AKT3: variants seen among roughly 807,000 people sequenced by gnomAD.
The protein encoded by AKT3 is RAC-gamma serine/threonine-protein kinase.
Under a neutral mutation model 65.3 loss-of-function variants are expected in AKT3, and 15 were observed. That is an observed-to-expected ratio of 0.23 (90% CI 0.15 to 0.35). AKT3 has a LOEUF of 0.35. AKT3 is among the 10% of genes least tolerant of loss of function. AKT3 has a pLI of 1.00. For synonymous variants in AKT3, 206 were observed against 183.8 expected (o/e 1.12, Z -0.98); for missense variants, 243 against 576.5 (o/e 0.42, Z 5.92).
chr1:243,646,691 T>G (rs1680843877), intron 4 of AKT3, among the ~76,000 whole-genome samples: 1 of 152,090 alleles, frequency 6.6e-6, no homozygotes, highest in Admixed American at 6.6e-5. Context: ...AAAAGTTTGC[T>G]GCAGTTTTTA....
chr1:243,567,954 A>C (rs1357090258), intron 9 of AKT3, among the ~76,000 whole-genome samples: 1 of 152,214 alleles, frequency 6.6e-6, no homozygotes, highest in Non-Finnish European at 1.5e-5. Context: ...TTTCCAAAGC[A>C]TATCAATGGC....
At chr1:243,646,780 A>G (rs1037745006) in intron 4 of AKT3, among the ~76,000 whole-genome samples, 11 of 152,190 alleles carry the variant, frequency 7.2e-5, no homozygotes, top group Non-Finnish European at 7.3e-5. Flanking sequence ...CATTCCAAGG[A>G]AAGGTTTTCA....
chr1:243,709,290 GA>G (rs764563357), intron 2 of AKT3, among the ~76,000 whole-genome samples: 2,030 of 131,492 alleles, frequency 0.015, 39 homozygotes, highest in African/African-American at 0.051. Context: ...AGCATTAAAA[GA>G]AAAAAAAAAA....
chr1:243,827,722 A>C (rs1694256519), intron 2 of AKT3, among the ~76,000 whole-genome samples: 1 of 152,186 alleles, frequency 6.6e-6, no homozygotes, highest in Non-Finnish European at 1.5e-5. Flanking sequence ...TATTTCATTT[A>C]AGAAAAAGTG....
intron 3 of AKT3, among the ~76,000 whole-genome samples, chr1:243,689,809 G>A (rs1410588652): frequency 6.6e-6 from 1 of 151,518 alleles, no homozygotes; most frequent in Non-Finnish European, 1.5e-5. Context: ...GCCAGATGAG[G>A]TGGCATGCAG....
chr1:243,790,301 T>C (rs1195635845), intron 2 of AKT3, among the ~76,000 whole-genome samples: 2 of 152,258 alleles, frequency 1.3e-5, no homozygotes, highest in African/African-American at 4.8e-5. Context: ...CTAGATCTTC[T>C]GGATAAATTG....
intron 2 of AKT3, among the ~76,000 whole-genome samples, chr1:243,816,401 C>T (rs755659620): frequency 1.6e-4 from 24 of 152,140 alleles, no homozygotes; most frequent in Non-Finnish European, 2.6e-4. Context: ...TGGTCATGTT[C>T]CACTAGATCC....
intron 11 of AKT3, among the ~76,000 whole-genome samples, chr1:243,551,092 A>C (rs1673035174): frequency 6.6e-6 from 1 of 152,066 alleles, no homozygotes; most frequent in Non-Finnish European, 1.5e-5. Flanking sequence ...ACTTAAACTG[A>C]GAAACTGCTG....
chr1:243,694,701 T>C (rs1684946664), intron 3 of AKT3, among the ~76,000 whole-genome samples: 2 of 151,988 alleles, frequency 1.3e-5, no homozygotes, highest in South Asian at 2.1e-4. Context: ...GCTTTTATAA[T>C]GGTAAAATGA....
chr1:243,643,057 G>A (rs1680561065), intron 5 of AKT3, among the ~76,000 whole-genome samples: 1 of 152,240 alleles, frequency 6.6e-6, no homozygotes, highest in Non-Finnish European at 1.5e-5. Flanking sequence ...CTCACGGGAA[G>A]AGGTGGAGCT....
At chr1:243,780,755 T>A (rs1384648854) in intron 2 of AKT3, among the ~76,000 whole-genome samples, 1 of 151,960 alleles carries the variant, frequency 6.6e-6, no homozygotes, top group African/African-American at 2.4e-5. Context: ...GGCTGAATTA[T>A]GTCAAGATAA....
intron 6 of AKT3, among the ~76,000 whole-genome samples, chr1:243,631,125 G>GT (rs1305562750): frequency 2.0e-5 from 3 of 152,140 alleles, no homozygotes; most frequent in Admixed American, 6.5e-5. Flanking sequence ...TATTAAGTGT[G>GT]TAACAGCACT....
At chr1:243,663,265 G>C (rs978326726) in intron 4 of AKT3, among the ~76,000 whole-genome samples, 4 of 152,224 alleles carry the variant, frequency 2.6e-5, no homozygotes, top group African/African-American at 9.6e-5. Context: ...AACCTGCCTA[G>C]TCTATTAGAG....
chr1:243,513,640 A>G (rs922089511), intron 12 of AKT3, among the ~76,000 whole-genome samples: 4 of 152,212 alleles, frequency 2.6e-5, no homozygotes, highest in African/African-American at 9.6e-5. Flanking sequence ...CATGCTACAA[A>G]GCATTCTTAA....
chr1:243,657,023 T>C (rs890521694), intron 4 of AKT3, among the ~76,000 whole-genome samples: 10 of 152,184 alleles, frequency 6.6e-5, no homozygotes, highest in African/African-American at 2.4e-4. Context: ...AATGAAGAGA[T>C]AAAATTGTTA....
chr1:243,793,776 CAA>C (rs34262576), intron 2 of AKT3, among the ~76,000 whole-genome samples: 43 of 129,660 alleles, frequency 3.3e-4, no homozygotes, highest in Non-Finnish European at 3.1e-4. Flanking sequence ...AAAACTGTCT[CAA>C]AAAAAAAAAA....
intron 12 of AKT3, among the ~76,000 whole-genome samples, chr1:243,513,882 G>A (rs1670181446): frequency 6.6e-6 from 1 of 152,158 alleles, no homozygotes; most frequent in African/African-American, 2.4e-5. Context: ...CCCTGGACAT[G>A]AGCAAGCAGG....
chr1:243,538,771 G>C (rs1393948859), intron 12 of AKT3, among the ~76,000 whole-genome samples: 3 of 151,614 alleles, frequency 2.0e-5, no homozygotes, highest in Non-Finnish European at 4.4e-5. Context: ...TGAGGCAAGA[G>C]GATTGCTTGA....
chr1:243,501,560 G>A lies in AKT3; in HGVS notation c.*3689C>T, dbSNP rs974621882. 6 of 233,144 alleles carry A rather than the reference G, an allele frequency of 2.6e-5. No homozygotes were observed. Among genetic ancestry groups the A allele is most frequent in the South Asian group, 1.8e-4 (1 of 5,532 alleles). 14.4% of individuals were successfully genotyped at this position (233,144 alleles called of 1,614,324 possible). ...GCCGTTCATCAAAGTTTGCACAACC[G>A]CACTACTGCCATTTCACTGAAGTAA... On this transcript the variant is annotated 3_prime_UTR_variant, in exon 14 of 14. Transcript: ENST00000673466.
Sources: gnomAD v4.1 joint callset for allele counts (sites outside exome capture counted in the v4.1 genomes callset) on GRCh38, gnomAD v4.1.1 for gene constraint, MANE v1.5 for transcripts, NCBI Gene and HGNC (gene_info 2026-07-23, HGNC 2026-07-21) for gene names.